CCN4: variants seen among roughly 807,000 people sequenced by gnomAD.
CCN4 encodes the protein cellular communication network factor 4.
Under a neutral mutation model 36.7 loss-of-function variants are expected in CCN4, and 30 were observed. The ratio of observed to expected loss-of-function variants is 0.82; its 90% CI spans 0.61 to 1.11. CCN4 has a LOEUF of 1.11. Among genes scored for constraint, CCN4 ranks in the 50% least tolerant of loss-of-function variants. CCN4 has a pLI of 0.00. For missense variants in CCN4, 505 were observed against 504.9 expected, an observed-to-expected ratio of 1.00 and a Z score of 0.00; for synonymous variants, 191 against 195.4, an observed-to-expected ratio of 0.98 and a Z score of 0.19.
chr8:133,221,502 G>A (rs1184702183), intron 3 of CCN4, among the ~76,000 whole-genome samples: 2 of 151,968 alleles, frequency 1.3e-5, no homozygotes, highest in Non-Finnish European at 2.9e-5. Context: ...ATAGATGAAT[G>A]TATAAATAGA....
chr8:133,202,409 G>A (rs1853619124), intron 1 of CCN4, among the ~76,000 whole-genome samples: 1 of 152,118 alleles, frequency 6.6e-6, no homozygotes, highest in South Asian at 2.1e-4. Context: ...CTCTGACACT[G>A]GCCACTGCAT....
chr8:133,207,529 A>T (rs1853824185), intron 1 of CCN4, among the ~76,000 whole-genome samples: 1 of 152,164 alleles, frequency 6.6e-6, no homozygotes, highest in African/African-American at 2.4e-5. Context: ...AGTGGCTCGA[A>T]AACTCTGGAC....
At chr8:133,201,087 T>C (rs1487615036) in intron 1 of CCN4, among the ~76,000 whole-genome samples, 2 of 152,214 alleles carry the variant, frequency 1.3e-5, no homozygotes, top group Admixed American at 6.5e-5. Flanking sequence ...CTATGCTAAG[T>C]TACCTTACAG....
At chr8:133,208,323 G>A (rs1853858426) in intron 1 of CCN4, among the ~76,000 whole-genome samples, 1 of 152,148 alleles carries the variant, frequency 6.6e-6, no homozygotes, top group East Asian at 1.9e-4. Context: ...CTAAGCGATG[G>A]TAGCAATGCC....
chr8:133,221,972 AGATG>A (rs1854549421), intron 3 of CCN4, among the ~76,000 whole-genome samples: 1 of 151,036 alleles, frequency 6.6e-6, no homozygotes, highest in Admixed American at 6.6e-5. Context: ...ACGAGGGGAC[AGATG>A]GATGGATGAA....
At chr8:133,217,936 C>CCACACACACACACACACACA (rs58105917) in intron 2 of CCN4, among the ~76,000 whole-genome samples, 17,998 of 144,238 alleles carry the variant, frequency 0.12, 1,673 homozygotes, top group East Asian at 0.34. Flanking sequence ...ACTCCCTTCT[C>CCACACACACACACACACACA]CACACACACA....
At chr8:133,222,335 C>T (rs1332738211) in intron 3 of CCN4, among the ~76,000 whole-genome samples, 1 of 152,140 alleles carries the variant, frequency 6.6e-6, no homozygotes, top group Non-Finnish European at 1.5e-5. Context: ...CAGGGCTTGT[C>T]ATTGCCTAGG....
At chr8:133,222,108 G>C (rs991805405) in intron 3 of CCN4, among the ~76,000 whole-genome samples, 1 of 151,870 alleles carries the variant, frequency 6.6e-6, no homozygotes, top group South Asian at 2.1e-4. Flanking sequence ...ATGATGGATG[G>C]ATCAATTAAT....
At chr8:133,193,656 C>T (rs974243433) in intron 1 of CCN4, among the ~76,000 whole-genome samples, 143 of 152,346 alleles carry the variant, frequency 9.4e-4, no homozygotes, top group South Asian at 8.3e-4. Context: ...TTCTACAATT[C>T]CCATAACAAT....
At chr8:133,200,836 A>G (rs1159850539) in intron 1 of CCN4, among the ~76,000 whole-genome samples, 1 of 152,120 alleles carries the variant, frequency 6.6e-6, no homozygotes, top group African/African-American at 2.4e-5. Context: ...GTCCTTGAAC[A>G]TTAAGCCCTA....
chr8:133,214,507 G>GGTAGTT (rs1554743075), intron 2 of CCN4, among the ~76,000 whole-genome samples: 5 of 151,438 alleles, frequency 3.3e-5, no homozygotes, highest in African/African-American at 4.9e-5. Flanking sequence ...GTTTGGAGGT[G>GGTAGTT]GTTGTTGTTG....
At chr8:133,206,808 A>G (rs1349130376) in intron 1 of CCN4, among the ~76,000 whole-genome samples, 1 of 152,126 alleles carries the variant, frequency 6.6e-6, no homozygotes, top group Non-Finnish European at 1.5e-5. Context: ...GGGAGGTTCT[A>G]AGATGTGACC....
chr8:133,203,326 G>A (rs1459672016), intron 1 of CCN4, among the ~76,000 whole-genome samples: 1 of 152,242 alleles, frequency 6.6e-6, no homozygotes, highest in African/African-American at 2.4e-5. Flanking sequence ...TTGTTCATCT[G>A]AACAGCAGGC....
intron 1 of CCN4, among the ~76,000 whole-genome samples, chr8:133,201,015 G>C (rs4415289): frequency 1 from 152,279 of 152,312 alleles, 76,123 homozygotes; most frequent in Non-Finnish European, 1. Context: ...GCACTCTGTG[G>C]TCCTATTCCC....
At chr8:133,195,901 C>T (rs958709507) in intron 1 of CCN4, among the ~76,000 whole-genome samples, 1 of 152,230 alleles carries the variant, frequency 6.6e-6, no homozygotes, top group African/African-American at 2.4e-5. Context: ...ATCCTCTGGG[C>T]AGCAGGGAGG....
chr8:133,215,912 C>T (rs1169140942), intron 2 of CCN4, among the ~76,000 whole-genome samples: 2 of 152,036 alleles, frequency 1.3e-5, no homozygotes, highest in African/African-American at 4.8e-5. Context: ...TCATAAGCTT[C>T]ATAATAAATT....
chr8:133,216,384 T>A (rs1315971700), intron 2 of CCN4, among the ~76,000 whole-genome samples: 2 of 152,106 alleles, frequency 1.3e-5, no homozygotes, highest in East Asian at 3.8e-4. Context: ...ATGGGGACAA[T>A]GGCAATCTGG....
chr8:133,194,443 G>T (rs1853246991), intron 1 of CCN4, among the ~76,000 whole-genome samples: 1 of 37,424 alleles, frequency 2.7e-5, no homozygotes, highest in African/African-American at 2.7e-4. Context: ...TGTGTGTGTG[G>T]TGTGTGTGTG....
intron 3 of CCN4, 52 bp from the exon 4 acceptor site, chr8:133,225,338 T>TG (rs2130622738): frequency 6.6e-7 from 1 of 1,512,722 alleles, no homozygotes; most frequent in East Asian, 2.3e-5. Context: ...AAGTGAGGGT[T>TG]GGGGGCTGGT....
Sources: allele counts gnomAD v4.1 joint callset (sites outside exome capture counted in the v4.1 genomes callset), GRCh38; gene constraint gnomAD v4.1.1; transcripts MANE v1.5; gene names NCBI Gene and HGNC (gene_info 2026-07-23, HGNC 2026-07-21).